Variants in SETD2 observed in about 807,000 individuals in gnomAD.
The protein encoded by SETD2 is histone-lysine N-methyltransferase SETD2.
In SETD2, 31 loss-of-function variants were observed where a neutral mutation model predicts 242.1. The ratio of observed to expected loss-of-function variants is 0.13; its 90% CI spans 0.10 to 0.17. The LOEUF (loss-of-function observed/expected upper bound fraction) is 0.17, where lower values mean the gene tolerates loss of function less well. Among genes scored for constraint, SETD2 ranks in the 10% least tolerant of loss-of-function variants. The probability of loss-of-function intolerance (pLI) is 1.00; values close to 1 mark genes in which losing one functional copy is unlikely to be tolerated. For missense variants in SETD2, 2,481 were observed against 3,046.3 expected, an observed-to-expected ratio of 0.81 and a Z score of 4.37; for synonymous variants, 1,006 against 1,066.5, an observed-to-expected ratio of 0.94 and a Z score of 1.11.
chr3:47,105,410 T>TAAAAAAAAAAAAAAAAAAAA, intron 6 of SETD2, among the ~76,000 whole-genome samples: 1 of 122,656 alleles, frequency 8.2e-6, no homozygotes. Context: ...ACACTATCTC[T>TAAAAAAAAAAAAAAAAAAAA]AAAAAAAAAA....
intron 18 of SETD2, among the ~76,000 whole-genome samples, chr3:47,025,539 TTAAATC>T (rs1031311945): frequency 1.3e-5 from 2 of 152,220 alleles, no homozygotes; most frequent in African/African-American, 4.8e-5. Context: ...TTCAGACAAT[TTAAATC>T]TAACCTACTT....
intron 1 of SETD2, among the ~76,000 whole-genome samples, chr3:47,142,730 G>A (rs750757828): frequency 6.6e-6 from 1 of 150,404 alleles, no homozygotes; most frequent in Non-Finnish European, 1.5e-5. Flanking sequence ...GTGCAATGGC[G>A]CAATCTCGCT....
chr3:47,034,596 G>A (rs554370220), intron 18 of SETD2, among the ~76,000 whole-genome samples: 3 of 152,278 alleles, frequency 2.0e-5, no homozygotes, highest in African/African-American at 4.8e-5. Flanking sequence ...CTGAGAGTTC[G>A]AGGTTACGGT....
chr3:47,105,644 G>A (rs1201606010), intron 6 of SETD2: 4 of 444,258 alleles, frequency 9.0e-6, no homozygotes, highest in East Asian at 7.3e-5. Flanking sequence ...GAAATCAGTC[G>A]GCAGGACACG....
chr3:47,070,539 C>T (rs929854694), intron 12 of SETD2, among the ~76,000 whole-genome samples: 3 of 152,130 alleles, frequency 2.0e-5, no homozygotes, highest in South Asian at 2.1e-4. Flanking sequence ...AGCAGCCACG[C>T]GAGGATAACT....
chr3:47,095,057 A>C (rs2041953503), intron 9 of SETD2, among the ~76,000 whole-genome samples: 1 of 152,248 alleles, frequency 6.6e-6, no homozygotes, highest in Non-Finnish European at 1.5e-5. Flanking sequence ...TAGTAAGGTC[A>C]CTTCTCATCA....
chr3:47,105,184 T>A (rs1420725383), intron 6 of SETD2, among the ~76,000 whole-genome samples: 1 of 151,994 alleles, frequency 6.6e-6, no homozygotes, highest in African/African-American at 2.4e-5. Flanking sequence ...CTGAGGCACA[T>A]GGATTGCTTG....
chr3:47,113,816 G>A (rs2107717844), intron 5 of SETD2, 60 bp downstream of exon 5: 3 of 1,553,904 alleles, frequency 1.9e-6, no homozygotes, highest in Middle Eastern at 1.7e-4. Context: ...TCCAGTCTGG[G>A]TGAAAGAGTG....
At chr3:47,059,108 C>CTTTT (rs111615859) in intron 14 of SETD2, among the ~76,000 whole-genome samples, 28 of 104,566 alleles carry the variant, frequency 2.7e-4, no homozygotes, top group East Asian at 9.0e-4. Context: ...CACGCCTGGC[C>CTTTT]TTTTTTTTTT....
chr3:47,106,175 CAT>C (rs2042412783), intron 5 of SETD2, 55 bp from the exon 6 acceptor site: 6 of 1,501,012 alleles, frequency 4.0e-6, no homozygotes, highest in Non-Finnish European at 5.4e-6. Context: ...GTAGGGAAAA[CAT>C]ATATGCTCAG....
chr3:47,150,034 T>TTTTTC, intron 1 of SETD2, among the ~76,000 whole-genome samples: 1 of 130,966 alleles, frequency 7.6e-6, no homozygotes, highest in Non-Finnish European at 1.6e-5. Flanking sequence ...AATACTTTTT[T>TTTTTC]TTTTTTTTTT....
At chr3:47,151,602 T>C (rs1575850069) in intron 1 of SETD2, among the ~76,000 whole-genome samples, 1 of 151,800 alleles carries the variant, frequency 6.6e-6, no homozygotes. Flanking sequence ...CCAAGGCGGG[T>C]GGATCACCTG....
At chr3:47,031,440 T>C (rs942611818) in intron 18 of SETD2, among the ~76,000 whole-genome samples, 1 of 152,226 alleles carries the variant, frequency 6.6e-6, no homozygotes, top group Non-Finnish European at 1.5e-5. Flanking sequence ...AAATAAAGAC[T>C]ACTTTTTAAA....
chr3:47,112,966 G>A (rs1235040071), intron 5 of SETD2, among the ~76,000 whole-genome samples: 1 of 152,132 alleles, frequency 6.6e-6, no homozygotes, highest in Non-Finnish European at 1.5e-5. Flanking sequence ...AAAATAAAGT[G>A]AACCTTTTGC....
At chr3:47,097,882 A>C (rs1458536005) in intron 9 of SETD2, 73 bp downstream of exon 9, 7 of 1,495,682 alleles carry the variant, frequency 4.7e-6, no homozygotes, top group Admixed American at 1.7e-5. Flanking sequence ...TGACTTTATA[A>C]CCTTCAATCA....
chr3:47,053,811 C>A (rs1290351197), intron 15 of SETD2, among the ~76,000 whole-genome samples: 2 of 152,110 alleles, frequency 1.3e-5, no homozygotes, highest in African/African-American at 4.8e-5. Context: ...TACTTCACAG[C>A]CCATTAATGT....
rs1294840523 is a variant in SETD2, at chr3:47,122,759, G to C, written c.1877C>G (p.Thr626Ser). The stretch of plus-strand genomic sequence containing the variant: ...AGGCAATTCATCTAGCTTTTTTAAA[G>C]TAGGTGAATCATTTAATCGATTTGA... ...APSNRLNDSP[T>S]LKKLDELPIF... Residue 626 changes from threonine to serine, a missense_variant, in exon 3 of 21, where the codon ACT becomes AGT. This residue lies in a region of SETD2 where 1,300 missense variants were observed against 1,259.2 expected (regional missense o/e 1.03). Transcript: ENST00000409792. 2 of 1,610,174 alleles carry C rather than the reference G, an allele frequency of 1.2e-6. No homozygotes were observed. The highest frequency in any genetic ancestry group is 1.7e-6 in the Non-Finnish European group (2 of 1,178,756).
intron 18 of SETD2, among the ~76,000 whole-genome samples, chr3:47,032,549 A>AC (rs2038818325): frequency 6.6e-6 from 1 of 152,142 alleles, no homozygotes; most frequent in Admixed American, 6.6e-5. Flanking sequence ...AAAAACAAAA[A>AC]AAAACCAGAA....
Position 47,114,107 on chromosome 3 carries a change from T to C in SETD2, c.4587-103A>G, listed in dbSNP as rs959620344. ...ATAACTACATATATACATACTTTTA[T>C]GGTATAATTAGCATATGTATGACTA... On this transcript the variant is annotated intron_variant, in intron 4 of 20. Transcript: ENST00000409792. 78 of 1,201,308 alleles carry C rather than the reference T, an allele frequency of 6.5e-5. No individual in the cohort carries two copies. The Admixed American group carries it at 1.8e-3, about 27-fold the overall frequency. 74.4% of individuals were successfully genotyped at this position (1,201,308 alleles called of 1,614,324 possible). A position where few individuals can be genotyped will look rare whatever the true frequency, so the allele number is the denominator to read the frequency against.
Sources: gnomAD v4.1 joint callset for allele counts (sites outside exome capture counted in the v4.1 genomes callset) on GRCh38, gnomAD v4.1.1 for gene constraint, gnomAD v4.1.1 regional missense constraint, MANE v1.5 for transcripts, NCBI Gene and HGNC (gene_info 2026-07-23, HGNC 2026-07-21) for gene names.